PDIA5: variants seen among roughly 807,000 people sequenced by gnomAD.
PDIA5 encodes protein disulfide isomerase family A member 5, also known as protein disulfide-isomerase A5.
A neutral mutation model predicts 77.6 loss-of-function variants in PDIA5; 58 were observed. That is an observed-to-expected ratio of 0.75 (90% confidence interval 0.61 to 0.93). The LOEUF (loss-of-function observed/expected upper bound fraction) is 0.93. Among genes scored for constraint, PDIA5 ranks in the 40% least tolerant of loss-of-function variants. The pLI is 0.00. For missense variants in PDIA5, 630 were observed against 647.7 expected (o/e 0.97, Z 0.30); for synonymous variants, 250 against 252.1 (o/e 0.99, Z 0.08).
At chr3:123,155,086 C>A in intron 15 of PDIA5, 45 bp downstream of exon 15, 1 of 1,263,810 alleles carries the variant, frequency 7.9e-7, no homozygotes, top group Non-Finnish European at 1.2e-6. Context: ...GCAGCTAATT[C>A]CTACACCTTC....
chr3:123,096,998 C>T (rs1039167168), intron 3 of PDIA5, among the ~76,000 whole-genome samples: 10 of 152,280 alleles, frequency 6.6e-5, no homozygotes, highest in African/African-American at 2.4e-4. Context: ...TTCTTTTCCT[C>T]GGGGCTTAAG....
intron 1 of PDIA5, among the ~76,000 whole-genome samples, chr3:123,087,332 A>C (rs1401681984): frequency 6.6e-6 from 1 of 151,570 alleles, no homozygotes; most frequent in African/African-American, 2.4e-5. Flanking sequence ...ATTTTTTGAT[A>C]ATTGATTTTC....
At chr3:123,118,289 C>T (rs1308345702) in intron 8 of PDIA5, among the ~76,000 whole-genome samples, 1 of 152,200 alleles carries the variant, frequency 6.6e-6, no homozygotes, top group Non-Finnish European at 1.5e-5. Context: ...ATTATTGGGA[C>T]CTCAATAGAC....
At chr3:123,099,248 G>GT (rs1934522188) in intron 3 of PDIA5, among the ~76,000 whole-genome samples, 1 of 152,362 alleles carries the variant, frequency 6.6e-6, no homozygotes, top group East Asian at 1.9e-4. Context: ...CCCAGCAGCG[G>GT]TAAGACAGTA....
intron 7 of PDIA5, 71 bp from the exon 8 acceptor site, chr3:123,116,160 G>T (rs1934993291): frequency 1.6e-6 from 2 of 1,231,632 alleles, no homozygotes; most frequent in Non-Finnish European, 1.2e-6. Flanking sequence ...TGGCCATGGG[G>T]AGGCAGGGCA....
At chr3:123,136,745 A>AAAAAG (rs1560545894) in intron 11 of PDIA5, among the ~76,000 whole-genome samples, 1 of 151,610 alleles carries the variant, frequency 6.6e-6, no homozygotes, top group Non-Finnish European at 1.5e-5. Context: ...AAAAAAAAAA[A>AAAAAG]AAAAGGGGGT....
At chr3:123,098,578 G>A (rs1054009132) in intron 3 of PDIA5, among the ~76,000 whole-genome samples, 9 of 152,202 alleles carry the variant, frequency 5.9e-5, no homozygotes, top group Admixed American at 2.0e-4. Flanking sequence ...GGGGTGTGGG[G>A]TGGGGAGGGA....
chr3:123,158,747 G>GC (rs974705014), intron 15 of PDIA5, among the ~76,000 whole-genome samples: 1 of 152,326 alleles, frequency 6.6e-6, no homozygotes, highest in African/African-American at 2.4e-5. Flanking sequence ...AGCAGCGTGT[G>GC]CCCCAGGATT....
At chr3:123,112,531 ATTCTT>A (rs1358402371) in intron 7 of PDIA5, among the ~76,000 whole-genome samples, 1 of 52,076 alleles carries the variant, frequency 1.9e-5, no homozygotes, top group Non-Finnish European at 4.0e-5. Context: ...CCCCAGCCCT[ATTCTT>A]TTTTTTTTTT....
chr3:123,077,067 G>A (rs1453413054), intron 1 of PDIA5, among the ~76,000 whole-genome samples: 3 of 152,160 alleles, frequency 2.0e-5, no homozygotes, highest in African/African-American at 7.2e-5. Flanking sequence ...AAGAAATGCA[G>A]CTGGACTTGT....
intron 13 of PDIA5, among the ~76,000 whole-genome samples, chr3:123,147,479 C>T (rs551031778): frequency 1.9e-4 from 29 of 152,250 alleles, no homozygotes; most frequent in Non-Finnish European, 3.2e-4. Context: ...TTATTTAAAG[C>T]ATAGACTCTG....
At chr3:123,145,688 C>T (rs977753095) in intron 12 of PDIA5, 96 bp downstream of exon 12, 6 of 1,064,200 alleles carry the variant, frequency 5.6e-6, no homozygotes, top group East Asian at 2.5e-5. Flanking sequence ...TGCTGCAGCT[C>T]CCGTGGTCCG....
chr3:123,152,063 G>T (rs1334982274), intron 14 of PDIA5, among the ~76,000 whole-genome samples: 1 of 106,828 alleles, frequency 9.4e-6, no homozygotes, highest in African/African-American at 3.8e-5. Context: ...CTTCCTTCCT[G>T]CCTGCCTTTC....
intron 11 of PDIA5, among the ~76,000 whole-genome samples, chr3:123,132,671 A>G (rs1474631331): frequency 6.6e-6 from 1 of 152,112 alleles, no homozygotes; most frequent in Non-Finnish European, 1.5e-5. Context: ...TAGCTATAAA[A>G]TACACTCCCT....
chr3:123,117,691 A>G (rs1249974278), intron 8 of PDIA5, among the ~76,000 whole-genome samples: 1 of 151,968 alleles, frequency 6.6e-6, no homozygotes, highest in Non-Finnish European at 1.5e-5. Context: ...ATTCCACCCT[A>G]TGTACATACC....
chr3:123,137,794 G>A (rs1237793924), intron 11 of PDIA5, among the ~76,000 whole-genome samples: 1 of 152,214 alleles, frequency 6.6e-6, no homozygotes, highest in Admixed American at 6.5e-5. Flanking sequence ...CTGCAAGTCT[G>A]CCTTCTCCCA....
At chr3:123,106,661 G>A in intron 5 of PDIA5, 88 bp from the exon 6 acceptor site, 1 of 912,858 alleles carries the variant, frequency 1.1e-6, no homozygotes, top group East Asian at 2.5e-5. Flanking sequence ...CAGGTCTCCA[G>A]GCAGGGAAAG....
At chr3:123,067,334 C>A in intron 1 of PDIA5, 128 bp downstream of exon 1, 1 of 804,964 alleles carries the variant, frequency 1.2e-6, no homozygotes, top group Non-Finnish European at 1.7e-6. Flanking sequence ...TGAGGGCGTG[C>A]ATGCCAGGCA....
At chr3:123,139,624 T>A (rs1006288098) in intron 11 of PDIA5, among the ~76,000 whole-genome samples, 1 of 152,030 alleles carries the variant, frequency 6.6e-6, no homozygotes, top group Non-Finnish European at 1.5e-5. Flanking sequence ...AAGATGGTAG[T>A]GGGGAGGAGA....
Sources: gnomAD v4.1 joint callset for allele counts (sites outside exome capture counted in the v4.1 genomes callset) on GRCh38, gnomAD v4.1.1 for gene constraint, MANE v1.5 for transcripts, NCBI Gene and HGNC (gene_info 2026-07-23, HGNC 2026-07-21) for gene names.